Variants in VWDE observed in about 807,000 individuals in gnomAD.
The protein encoded by VWDE is von Willebrand factor D and EGF domain-containing protein.
A neutral mutation model predicts 178.4 loss-of-function variants in VWDE; 207 were observed. That is an observed-to-expected ratio of 1.16 (90% CI 1.04 to 1.30). The LOEUF is 1.30. Ranked by LOEUF, VWDE falls within the 50% of genes most tolerant of loss-of-function variation. The pLI, the probability that VWDE is intolerant of heterozygous loss-of-function variation, is 0.00. For missense variants in VWDE, 2,287 were observed against 1,901.3 expected (o/e 1.20, Z -3.77); for synonymous variants, 738 against 651.4 (o/e 1.13, Z -2.02).
chr7:12,365,023 G>A (rs1215289024), intron 13 of VWDE, among the ~76,000 whole-genome samples: 1 of 152,050 alleles, frequency 6.6e-6, no homozygotes, highest in Non-Finnish European at 1.5e-5. Context: ...ACTGGCCAGT[G>A]CTCTTCGAAA....
chr7:12,383,780 C>T lies in VWDE; in HGVS notation c.476-179G>A, dbSNP rs191455140. Among the ~76,000 whole-genome samples the T allele has an allele frequency of 4.5e-3, 678 of 152,202 alleles. 11 individuals are homozygous for T. Among genetic ancestry groups the T allele is most frequent in the African/African-American group, 0.016 (650 of 41,540 alleles). ...GGTGAGATCAAATGAAAAGATAAGGCATCATATTTCAAAACAATCAAAGCT... is the reference window on the plus strand; with the variant it reads ...GGTGAGATCAAATGAAAAGATAAGGTATCATATTTCAAAACAATCAAAGCT... On this transcript the variant is annotated intron_variant, in intron 3 of 28. Coordinates refer to ENST00000275358, the MANE Select transcript of VWDE (RefSeq NM_001135924.3).
At chr7:12,348,567 C>G (rs1409173390) in intron 19 of VWDE, among the ~76,000 whole-genome samples, 2 of 150,402 alleles carry the variant, frequency 1.3e-5, no homozygotes, top group Non-Finnish European at 3.0e-5. Context: ...ATTAAAAAGT[C>G]AGGAAACAAC....
At position 12,351,588 on chromosome 7, in the gene VWDE, T is replaced by C; in HGVS notation, c.3871A>G (p.Ser1291Gly). 3 of 1,549,086 alleles carry C rather than the reference T, an allele frequency of 1.9e-6. No homozygotes were observed. Among genetic ancestry groups the C allele is most frequent in the South Asian group, 1.2e-5 (1 of 83,406 alleles). Residue 1291 changes from serine to glycine, a missense_variant, in exon 19 of 29, where the codon AGT becomes GGT. By Grantham distance (56) the Ser-to-Gly change is moderately conservative. Transcript: ENST00000275358. Reference sequence around the variant, plus strand: ...CATTACTTACTGAAGGCATTTCCACTTGTTGGCTTAACATGCCTCTTTCTC... The same window carrying C: ...CATTACTTACTGAAGGCATTTCCACCTGTTGGCTTAACATGCCTCTTTCTC... ...QGRKRHVKPT[S>G]GNAFTICKYP...
At chr7:12,358,104 T>C (rs1232058777) in intron 16 of VWDE, among the ~76,000 whole-genome samples, 1 of 152,094 alleles carries the variant, frequency 6.6e-6, no homozygotes, top group Non-Finnish European at 1.5e-5. Context: ...AGGATGGGCA[T>C]GGTGGCTCAC....
chr7:12,367,266 G>A, intron 13 of VWDE, 91 bp downstream of exon 13: 1 of 1,029,988 alleles, frequency 9.7e-7, no homozygotes, highest in Non-Finnish European at 1.3e-6. Flanking sequence ...TTGGATTTAT[G>A]TTGCTAATTG....
At chr7:12,389,938 G>A (rs1014042589) in intron 2 of VWDE, among the ~76,000 whole-genome samples, 4 of 152,280 alleles carry the variant, frequency 2.6e-5, no homozygotes, top group African/African-American at 4.8e-5. Context: ...TGAGGTGGGC[G>A]GATTGCCTGA....
intron 2 of VWDE, among the ~76,000 whole-genome samples, chr7:12,393,102 C>T (rs187879195): frequency 7.4e-4 from 112 of 152,260 alleles, no homozygotes; most frequent in African/African-American, 2.5e-3. Context: ...ATAGGAGGTG[C>T]TGAGCCCGTA....
rs1161750395 is a variant in VWDE at position 12,389,319 on chromosome 7, G to C, written c.283C>G (p.Leu95Val). 1.9e-6 allele frequency: 3 copies of C among 1,550,592 alleles called. No individual in the cohort carries two copies. Among genetic ancestry groups the C allele is most frequent in the Admixed American group, 2.0e-5 (1 of 50,974 alleles). Residue 95 changes from leucine to valine, a missense_variant, in exon 3 of 29, where the codon CTG becomes GTG. Leu to Val is a conservative substitution (Grantham distance 32). Coordinates refer to ENST00000275358, the MANE Select transcript of VWDE (RefSeq NM_001135924.3). ...CGTQAPIWLS[L>V]RDSETLPSPG... ...GATGGCAGTGTTTCTGAATCTCTCA[G>C]AGACAGCCAGATGGGGGCCTGAGTT...
At chr7:12,363,926 CT>C in intron 13 of VWDE, among the ~76,000 whole-genome samples, 1 of 152,114 alleles carries the variant, frequency 6.6e-6, no homozygotes, top group South Asian at 2.1e-4. Context: ...ATCTAACTCA[CT>C]TTGGAAAGCA....
chr7:12,353,133 T>TG (rs1782037398), intron 18 of VWDE, among the ~76,000 whole-genome samples: 1 of 152,206 alleles, frequency 6.6e-6, no homozygotes, highest in Non-Finnish European at 1.5e-5. Context: ...TACCACAGAC[T>TG]GCGGGGCTTA....
rs1189821710 is a variant in VWDE, at chr7:12,351,622, A to AT, written c.3836dup (p.Asn1279LysfsTer10). On this transcript the variant is annotated frameshift_variant, in exon 19 of 29. Coordinates refer to ENST00000275358, the MANE Select transcript of VWDE (RefSeq NM_001135924.3). LOFTEE classifies it high-confidence loss of function. ...TAACATGCCTCTTTCTCCCTTGGGCATTTTTATCATCCTCTTCTTTATTTA... is the reference window on the plus strand; with the variant it reads ...TAACATGCCTCTTTCTCCCTTGGGCATTTTTTATCATCCTCTTCTTTATTTA... 2.1e-5 allele frequency: 33 copies of AT among 1,549,044 alleles called. No homozygotes were observed. The highest frequency in any genetic ancestry group is 2.8e-5 in the Non-Finnish European group (32 of 1,146,128).
intron 1 of VWDE, among the ~76,000 whole-genome samples, chr7:12,398,168 T>G (rs1784714403): frequency 6.6e-6 from 1 of 152,146 alleles, no homozygotes; most frequent in Non-Finnish European, 1.5e-5. Flanking sequence ...ATGGTGCCCA[T>G]CAACAGTAGA....
Position 12,361,452 on chromosome 7 carries a change from C to G in VWDE, c.2968G>C (p.Val990Leu). ...ACATCAGTGGGCAGCTGACAATCAA[C>G]AGCTCTGCTATTGTGGAAAACAGTC... ...TQTVFHNSRAVDCQLPTDVQQ... is the reference protein window; with the variant it reads ...TQTVFHNSRALDCQLPTDVQQ... The change falls in exon 14 of 29, where the codon GTT becomes CTT. Residue 990 changes from valine (V) to leucine (L), a missense_variant. Coordinates refer to ENST00000275358, the MANE Select transcript of VWDE (RefSeq NM_001135924.3). The G allele has an allele frequency of 6.4e-7, 1 of 1,551,250 alleles. No individual in the cohort carries two copies. The highest frequency in any genetic ancestry group is 1.7e-4 in the Middle Eastern group (1 of 5,990).
chr7:12,392,997 G>C (rs1328830389), intron 2 of VWDE, among the ~76,000 whole-genome samples: 2 of 152,156 alleles, frequency 1.3e-5, no homozygotes, highest in Non-Finnish European at 2.9e-5. Flanking sequence ...TATGCCTCCA[G>C]AGTATTGAAT....
intron 16 of VWDE, among the ~76,000 whole-genome samples, chr7:12,358,486 T>C (rs1407589095): frequency 1.3e-5 from 2 of 152,128 alleles, no homozygotes; most frequent in Non-Finnish European, 2.9e-5. Flanking sequence ...AATGTCTACC[T>C]TTCCAGCCCA....
intron 1 of VWDE, among the ~76,000 whole-genome samples, chr7:12,403,139 C>CAT (rs1323061138): frequency 2.0e-5 from 3 of 152,196 alleles, no homozygotes; most frequent in South Asian, 2.1e-4. Context: ...CTGATTCTAA[C>CAT]ATATATATAC....
In VWDE at chr7:12,351,571, A is replaced by G; in HGVS notation, c.3886+2T>C. The G allele has an allele frequency of 1.3e-6, 2 of 1,545,806 alleles. No individual in the cohort carries two copies. Among genetic ancestry groups the G allele is most frequent in the Non-Finnish European group, 1.7e-6 (2 of 1,144,956 alleles). Reference sequence around the variant, plus strand: ...TAGATTTTAACTATGACCATTACTTACTGAAGGCATTTCCACTTGTTGGCT... The same window carrying G: ...TAGATTTTAACTATGACCATTACTTGCTGAAGGCATTTCCACTTGTTGGCT... On this transcript the variant is annotated splice_donor_variant, in intron 19 of 28. Transcript: ENST00000275358. LOFTEE classifies it high-confidence loss of function.
intron 3 of VWDE, among the ~76,000 whole-genome samples, chr7:12,387,081 C>T (rs923725009): frequency 1.3e-5 from 2 of 152,010 alleles, no homozygotes; most frequent in Admixed American, 6.6e-5. Context: ...TACTGCCTTG[C>T]AGTTAATGAT....
chr7:12,331,481 G>C (rs1295057952), intron 28 of VWDE, among the ~76,000 whole-genome samples: 1 of 152,010 alleles, frequency 6.6e-6, no homozygotes, highest in African/African-American at 2.4e-5. Context: ...TTAATGTTTT[G>C]ATATCCCTCA....
Sources: allele counts gnomAD v4.1 joint callset (sites outside exome capture counted in the v4.1 genomes callset), GRCh38; gene constraint gnomAD v4.1.1; transcripts MANE v1.5; gene names NCBI Gene and HGNC (gene_info 2026-07-23, HGNC 2026-07-21).